Variants in ARSB observed in about 807,000 individuals in gnomAD.
ARSB encodes the protein N-acetylgalactosamine-4-sulfatase.
ARSB carries 41 observed loss-of-function variants against 50.9 expected under a neutral mutation model. The observed-to-expected ratio is 0.81, with a 90% CI of 0.63 to 1.04. The LOEUF is 1.04. ARSB is among the 50% of genes least tolerant of loss of function. The pLI is 0.00. For missense variants in ARSB, 672 were observed against 693.3 expected (o/e 0.97, Z 0.35); for synonymous variants, 269 against 284.8 (o/e 0.94, Z 0.56).
In ARSB at chr5:78,778,180, T is replaced by C. The variant is rs1042407281; in HGVS notation, c.*2217A>G. 1 of 152,180 alleles carries C rather than the reference T, an allele frequency of 6.6e-6. No homozygotes were observed. Among genetic ancestry groups the C allele is most frequent in the African/African-American group, 2.4e-5 (1 of 41,444 alleles). 9.4% of individuals were successfully genotyped at this position (152,180 alleles called of 1,614,324 possible). Reference sequence around the variant, plus strand: ...ACACCCAGCCCTGGGATTCGGAGGATGCAGAAGGAACATCTGGGCTCAGCT... The same window carrying C: ...ACACCCAGCCCTGGGATTCGGAGGACGCAGAAGGAACATCTGGGCTCAGCT... On this transcript the variant is annotated 3_prime_UTR_variant, in exon 8 of 8. Coordinates refer to ENST00000264914, the MANE Select transcript of ARSB (RefSeq NM_000046.5).
intron 6 of ARSB, among the ~76,000 whole-genome samples, chr5:78,809,053 C>A (rs1454812856): frequency 6.6e-6 from 1 of 152,198 alleles, no homozygotes; most frequent in East Asian, 1.9e-4. Context: ...GTGTTTCAGC[C>A]ACTGTGCTGG....
chr5:78,790,663 A>T (rs1749211423), intron 6 of ARSB, among the ~76,000 whole-genome samples: 1 of 152,238 alleles, frequency 6.6e-6, no homozygotes, highest in African/African-American at 2.4e-5. Context: ...TTGCTCTATG[A>T]AACAGATATT....
chr5:78,788,613 G>C (rs537681645), intron 6 of ARSB, among the ~76,000 whole-genome samples: 2 of 151,910 alleles, frequency 1.3e-5, no homozygotes, highest in Non-Finnish European at 2.9e-5. Flanking sequence ...TATTTTTTGA[G>C]ATAAGGTCTT....
intron 4 of ARSB, among the ~76,000 whole-genome samples, chr5:78,921,417 T>C (rs1025519220): frequency 5.3e-5 from 8 of 152,210 alleles, no homozygotes; most frequent in Non-Finnish European, 4.4e-5. Context: ...TACATACATA[T>C]GTATGTGTAT....
chr5:78,857,697 C>A (rs1746220817), intron 5 of ARSB, among the ~76,000 whole-genome samples: 1 of 152,136 alleles, frequency 6.6e-6, no homozygotes, highest in South Asian at 2.1e-4. Context: ...ACCCCCATCC[C>A]AGCACATATT....
intron 5 of ARSB, among the ~76,000 whole-genome samples, chr5:78,853,755 G>C (rs1745983355): frequency 6.6e-6 from 1 of 152,232 alleles, no homozygotes; most frequent in Non-Finnish European, 1.5e-5. Flanking sequence ...AAGCAAGCCT[G>C]GGCAATGGTG....
intron 6 of ARSB, among the ~76,000 whole-genome samples, chr5:78,810,906 T>C (rs1229348125): frequency 4.6e-5 from 7 of 152,222 alleles, no homozygotes; most frequent in Admixed American, 2.0e-4. Flanking sequence ...TAAACTGTTT[T>C]CTACACAGAA....
intron 4 of ARSB, among the ~76,000 whole-genome samples, chr5:78,925,915 C>G (rs1003114211): frequency 3.9e-5 from 6 of 151,976 alleles, no homozygotes; most frequent in Non-Finnish European, 7.4e-5. Context: ...TAATAACAAC[C>G]CTCTTTTTTG....
chr5:78,918,494 TAAC>T (rs1002950476), intron 4 of ARSB, among the ~76,000 whole-genome samples: 7 of 152,278 alleles, frequency 4.6e-5, no homozygotes, highest in Admixed American at 6.5e-5. Context: ...TCTCTATTGC[TAAC>T]AACTGACATT....
In ARSB at chr5:78,981,006, A is replaced by G. The variant is rs1330651084; in HGVS notation, c.312+3931T>C. On this transcript the variant is annotated intron_variant, in intron 1 of 7. Coordinates refer to ENST00000264914, the MANE Select transcript of ARSB (RefSeq NM_000046.5). Reference sequence around the variant, plus strand: ...CGCTCTGTCGCCCAGGCTGGAGTGCAGTGGCGCAATCTCGGCTCACTGCAA... The same window carrying G: ...CGCTCTGTCGCCCAGGCTGGAGTGCGGTGGCGCAATCTCGGCTCACTGCAA... 4.9e-4 allele frequency among the ~76,000 whole-genome samples: 2 copies of G among 4,068 alleles called. 1 individual carries two copies. The highest frequency in any genetic ancestry group is 7.2e-4 in the Non-Finnish European group (2 of 2,760). 2.7% of individuals were successfully genotyped at this position (4,068 alleles called of 152,430 possible).
chr5:78,955,597 A>G (rs1751690042), intron 3 of ARSB, 95 bp from the exon 4 acceptor site: 2 of 1,011,006 alleles, frequency 2.0e-6, no homozygotes, highest in Admixed American at 1.9e-5. Context: ...AATAAAAATA[A>G]TATCAAGACA....
In ARSB at chr5:78,984,985, C is replaced by T. The variant is rs750947605; in HGVS notation, c.264G>A (p.Gln88=). The change falls in exon 1 of 8, where the codon CAG becomes CAA. Residue 88 remains glutamine (Q), a synonymous_variant. Transcript: ENST00000264914. Reference sequence around the variant, plus strand: ...GGCTCCGCGACGGCGTGCACAGCGGCTGCGTGTAGTAGTTGTCCAGGAGCA... The same window carrying T: ...GGCTCCGCGACGGCGTGCACAGCGGTTGCGTGTAGTAGTTGTCCAGGAGCA... The part of the protein sequence containing the change: ...GGVLLDNYYT[Q]PLCTPSRSQL... 1.3e-6 allele frequency: 2 copies of T among 1,524,600 alleles called. No individual in the cohort carries two copies. Among genetic ancestry groups the T allele is most frequent in the Non-Finnish European group, 1.8e-6 (2 of 1,138,340 alleles). The allele number at this position is 1,524,600 out of a possible 1,614,324, so 94.4% of individuals were successfully genotyped here.
intron 5 of ARSB, among the ~76,000 whole-genome samples, chr5:78,847,636 T>C (rs1182116087): frequency 6.6e-6 from 1 of 152,208 alleles, no homozygotes; most frequent in Non-Finnish European, 1.5e-5. Flanking sequence ...TTGAGAAGAA[T>C]TTTTATTAGT....
intron 5 of ARSB, among the ~76,000 whole-genome samples, chr5:78,867,666 C>A (rs530634106): frequency 6.6e-6 from 1 of 152,300 alleles, no homozygotes; most frequent in African/African-American, 2.4e-5. Context: ...ATCTGTACAT[C>A]ACCATCATCA....
intron 4 of ARSB, among the ~76,000 whole-genome samples, chr5:78,935,472 G>A (rs1750533556): frequency 6.6e-6 from 1 of 152,078 alleles, no homozygotes; most frequent in Non-Finnish European, 1.5e-5. Flanking sequence ...TGTTTCCCAG[G>A]GCCTAGCAGA....
chr5:78,856,902 G>A (rs1006767688), intron 5 of ARSB, among the ~76,000 whole-genome samples: 7 of 152,204 alleles, frequency 4.6e-5, no homozygotes, highest in Non-Finnish European at 7.4e-5. Context: ...TTGTCTTTGG[G>A]AGCAAAGCCT....
At chr5:78,887,217 T>C (rs1748077903) in intron 4 of ARSB, among the ~76,000 whole-genome samples, 3 of 152,200 alleles carry the variant, frequency 2.0e-5, no homozygotes, top group African/African-American at 4.8e-5. Flanking sequence ...CTGGCATCAG[T>C]TGCTGGTGAG....
intron 5 of ARSB, among the ~76,000 whole-genome samples, chr5:78,865,856 A>G (rs1746691574): frequency 6.6e-6 from 1 of 152,196 alleles, no homozygotes; most frequent in South Asian, 2.1e-4. Context: ...AGCAAGAGTC[A>G]CCTTTGCTCC....
chr5:78,793,110 T>TCCTGTTTGGCCCAGCCTGGCCC (rs150863008), intron 6 of ARSB, among the ~76,000 whole-genome samples: 4,403 of 152,270 alleles, frequency 0.029, 205 homozygotes, highest in African/African-American at 0.099. Context: ...AGCCCTGGCC[T>TCCTGTTTGGCCCAGCCTGGCCC]AACATAGGCT....
Sources: allele counts gnomAD v4.1 joint callset (sites outside exome capture counted in the v4.1 genomes callset), GRCh38; gene constraint gnomAD v4.1.1; transcripts MANE v1.5; gene names NCBI Gene and HGNC (gene_info 2026-07-23, HGNC 2026-07-21).